LRRC7: variants seen among roughly 807,000 people sequenced by gnomAD.
The protein encoded by LRRC7 is leucine-rich repeat-containing protein 7.
Under a neutral mutation model 175.7 loss-of-function variants are expected in LRRC7, and 23 were observed. The observed-to-expected ratio is 0.13, with a 90% CI of 0.09 to 0.19. The LOEUF (loss-of-function observed/expected upper bound fraction) is 0.19, where lower values mean the gene tolerates loss of function less well. Ranked by LOEUF, LRRC7 falls within the 10% of genes least tolerant of loss-of-function variation. The pLI, the probability that LRRC7 is intolerant of heterozygous loss-of-function variation, is 1.00. For synonymous variants in LRRC7, 685 were observed against 680.9 expected (o/e 1.01, Z -0.09); for missense variants, 1,354 against 1,904.7 (o/e 0.71, Z 5.38).
At chr1:70,046,573 T>C (rs776504990) in intron 22 of LRRC7, among the ~76,000 whole-genome samples, 6 of 152,086 alleles carry the variant, frequency 3.9e-5, no homozygotes, top group Non-Finnish European at 7.4e-5. Flanking sequence ...GGGCAAGTAA[T>C]GCATTACTCC....
At chr1:69,614,677 T>G (rs1437246919) in intron 1 of LRRC7, among the ~76,000 whole-genome samples, 2 of 152,106 alleles carry the variant, frequency 1.3e-5, no homozygotes, top group Admixed American at 6.6e-5. Context: ...CTGATTTACT[T>G]ATCGTGGCTC....
rs1666990061 is a variant in LRRC7 at position 70,139,577 on chromosome 1, G to A, written c.*17690G>A. On this transcript the variant is annotated 3_prime_UTR_variant, in exon 27 of 27. Coordinates refer to ENST00000651989, the MANE Select transcript of LRRC7 (RefSeq NM_001370785.2). ...TTTTCCTTTGTGGGTGAGGGAAGAA[G>A]AGGACATCAGGTGAAGTGTGCCATT... 1 of 152,234 alleles carries A rather than the reference G, an allele frequency of 6.6e-6. No homozygotes were observed. The highest frequency in any genetic ancestry group is 1.5e-5 in the Non-Finnish European group (1 of 68,070). The allele number at this position is 152,234 out of a possible 1,614,324, so 9.4% of individuals were successfully genotyped here.
chr1:70,116,559 A>AAAAC (rs1553207038), intron 26 of LRRC7, among the ~76,000 whole-genome samples: 7 of 151,880 alleles, frequency 4.6e-5, no homozygotes, highest in African/African-American at 1.7e-4. Flanking sequence ...AAAAAAAAAA[A>AAAAC]AAAAAACACA....
intron 5 of LRRC7, among the ~76,000 whole-genome samples, chr1:69,831,541 G>C (rs1680526566): frequency 6.6e-6 from 1 of 151,952 alleles, no homozygotes; most frequent in Non-Finnish European, 1.5e-5. Flanking sequence ...CATACATAAA[G>C]TATTTGCTGC....
chr1:69,901,399 G>A (rs530424338), intron 7 of LRRC7, among the ~76,000 whole-genome samples: 69 of 152,274 alleles, frequency 4.5e-4, no homozygotes, highest in Non-Finnish European at 8.1e-4. Flanking sequence ...CATTAAAATA[G>A]CAAATAGAGA....
At chr1:70,082,690 C>T (rs1243411214) in intron 24 of LRRC7, among the ~76,000 whole-genome samples, 1 of 146,920 alleles carries the variant, frequency 6.8e-6, no homozygotes, top group Non-Finnish European at 1.5e-5. Flanking sequence ...GTTTCTGTTT[C>T]CTAGATACAT....
chr1:69,636,112 C>T (rs1653313811), intron 1 of LRRC7, among the ~76,000 whole-genome samples: 1 of 151,906 alleles, frequency 6.6e-6, no homozygotes, highest in Non-Finnish European at 1.5e-5. Flanking sequence ...TTCAAAGAAT[C>T]TACCATGCAT....
intron 2 of LRRC7, among the ~76,000 whole-genome samples, chr1:69,730,324 G>A (rs146921177): frequency 5.3e-4 from 80 of 152,206 alleles, no homozygotes; most frequent in Admixed American, 1.3e-3. Flanking sequence ...TTTTTACAGC[G>A]TTGTCAGGCT....
chr1:69,662,523 G>T (rs1208420530), intron 1 of LRRC7, among the ~76,000 whole-genome samples: 2 of 152,120 alleles, frequency 1.3e-5, no homozygotes, highest in African/African-American at 4.8e-5. Context: ...TACAAATGAG[G>T]AATTTTGTTT....
intron 22 of LRRC7, 109 bp from the exon 23 acceptor site, chr1:70,052,917 C>T: frequency 8.8e-7 from 1 of 1,132,390 alleles, no homozygotes; most frequent in South Asian, 2.2e-5. Flanking sequence ...GTATGTTTTT[C>T]TGCAATTAAA....
intron 15 of LRRC7, among the ~76,000 whole-genome samples, chr1:70,020,362 A>G (rs1657356361): frequency 6.6e-6 from 1 of 152,012 alleles, no homozygotes; most frequent in African/African-American, 2.4e-5. Context: ...TGTTAATTTG[A>G]CATATTTAAA....
At chr1:69,652,150 T>C (rs10889845) in intron 1 of LRRC7, among the ~76,000 whole-genome samples, 15,907 of 152,044 alleles carry the variant, frequency 0.1, 1,010 homozygotes, top group African/African-American at 0.18. Context: ...AAGGAACTGT[T>C]CAGAACAATT....
At chr1:69,619,470 G>A (rs935989847) in intron 1 of LRRC7, among the ~76,000 whole-genome samples, 13 of 152,226 alleles carry the variant, frequency 8.5e-5, no homozygotes, top group Non-Finnish European at 1.5e-4. Context: ...TACATGTAAA[G>A]AACTGCTGCA....
At chr1:69,753,034 TG>T (rs1670009425) in intron 2 of LRRC7, among the ~76,000 whole-genome samples, 1 of 152,148 alleles carries the variant, frequency 6.6e-6, no homozygotes, top group South Asian at 2.1e-4. Context: ...TGTTCTCTAA[TG>T]TATACTGGAC....
At chr1:69,937,422 A>G (rs781707104) in intron 8 of LRRC7, among the ~76,000 whole-genome samples, 4 of 151,914 alleles carry the variant, frequency 2.6e-5, no homozygotes, top group Non-Finnish European at 5.9e-5. Flanking sequence ...TTGATATTCC[A>G]TTTTTTCTCT....
At chr1:69,900,585 GC>G (rs1256147071) in intron 7 of LRRC7, among the ~76,000 whole-genome samples, 3 of 152,092 alleles carry the variant, frequency 2.0e-5, no homozygotes, top group Admixed American at 1.3e-4. Context: ...CTTCTAAGGT[GC>G]CAAATCATAA....
In LRRC7 at chr1:69,825,812, C is replaced by G. The variant is rs767568771; in HGVS notation, c.486C>G (p.Val162=). Residue 162 remains valine (V), a synonymous_variant, in exon 5 of 27, where the codon GTC becomes GTG. Coordinates refer to ENST00000651989, the MANE Select transcript of LRRC7 (RefSeq NM_001370785.2). ...CKCLTIIEAS[V]NPISKLPDGF... is the part of the protein sequence containing the mutation. ...GTTTAACAATTATTGAAGCCAGTGTCAATCCCATTTCTAAGTGAGTATGAG... is the reference window on the plus strand; with the variant it reads ...GTTTAACAATTATTGAAGCCAGTGTGAATCCCATTTCTAAGTGAGTATGAG... 3.1e-6 allele frequency: 5 copies of G among 1,599,794 alleles called. No homozygotes were observed. In the African/African-American group the frequency reaches 5.4e-5, roughly 17 times the overall value.
Position 69,760,207 on chromosome 1 carries a change from G to T in LRRC7, c.117G>T (p.Met39Ile). 2 of 1,612,678 alleles carry T rather than the reference G, an allele frequency of 1.2e-6. No individual in the cohort carries two copies. The highest frequency in any genetic ancestry group is 2.2e-5 in the South Asian group (2 of 90,988). The change falls in exon 3 of 27, where the codon ATG (methionine) becomes ATT (isoleucine). Residue 39 changes from methionine (M) to isoleucine (I), a missense_variant. Met to Ile is a conservative substitution (Grantham distance 10). Transcript: ENST00000651989. Reference protein sequence around the residue: ...RPEEELQCLEMTTKRKIIGRL... With the variant: ...RPEEELQCLEITTKRKIIGRL... ...TTTCTCTAGTGCAGTGCCTGGAGATGACCACCAAACGGAAAATCATCGGCC... is the reference window on the plus strand; with the variant it reads ...TTTCTCTAGTGCAGTGCCTGGAGATTACCACCAAACGGAAAATCATCGGCC...
At chr1:69,627,903 AATT>A (rs1202709396) in intron 1 of LRRC7, among the ~76,000 whole-genome samples, 1 of 140,452 alleles carries the variant, frequency 7.1e-6, no homozygotes, top group Admixed American at 7.1e-5. Flanking sequence ...AAGCTTAACC[AATT>A]ATTCCAACAT....
Sources: gnomAD v4.1 joint callset for allele counts (sites outside exome capture counted in the v4.1 genomes callset) on GRCh38, gnomAD v4.1.1 for gene constraint, MANE v1.5 for transcripts, NCBI Gene and HGNC (gene_info 2026-07-23, HGNC 2026-07-21) for gene names.